Variants in ADAMTS2 observed in about 807,000 individuals in gnomAD.
ADAMTS2 encodes ADAM metallopeptidase with thrombospondin type 1 motif 2.
Under a neutral mutation model 123.0 loss-of-function variants are expected in ADAMTS2, and 50 were observed. The observed-to-expected ratio is 0.41, with a 90% CI of 0.32 to 0.51. The LOEUF is 0.51. Among genes scored for constraint, ADAMTS2 ranks in the 20% least tolerant of loss-of-function variants. ADAMTS2 has a pLI of 0.35. For synonymous variants in ADAMTS2, 678 were observed against 695.4 expected (o/e 0.98, Z 0.39); for missense variants, 1,494 against 1,705.2 (o/e 0.88, Z 2.18).
intron 3 of ADAMTS2, among the ~76,000 whole-genome samples, chr5:179,251,919 T>C (rs1765935209): frequency 6.6e-6 from 1 of 151,996 alleles, no homozygotes; most frequent in African/African-American, 2.4e-5. Flanking sequence ...ACTGAGGATC[T>C]GGCAACACTG....
chr5:179,222,028 C>T (rs1192717001), intron 3 of ADAMTS2, among the ~76,000 whole-genome samples: 1 of 152,174 alleles, frequency 6.6e-6, no homozygotes, highest in East Asian at 1.9e-4. Flanking sequence ...CCGAGAGGCC[C>T]CCAGTGCAGC....
At chr5:179,194,919 C>G (rs1764388240) in intron 4 of ADAMTS2, among the ~76,000 whole-genome samples, 1 of 152,184 alleles carries the variant, frequency 6.6e-6, no homozygotes, top group South Asian at 2.1e-4. Context: ...ACAAATCAAC[C>G]TCGCTCCCGC....
chr5:179,288,455 G>A (rs894436454), intron 2 of ADAMTS2, among the ~76,000 whole-genome samples: 1 of 152,246 alleles, frequency 6.6e-6, no homozygotes, highest in Non-Finnish European at 1.5e-5. Flanking sequence ...TGAGGGCCAG[G>A]TTGTCTGGGC....
In ADAMTS2 at chr5:179,273,648, C is replaced by T. The variant is rs186721652; in HGVS notation, c.535-584G>A. 5.9e-5 allele frequency among the ~76,000 whole-genome samples: 9 copies of T among 152,198 alleles called. No homozygotes were observed. The East Asian group carries it at 1.5e-3, about 26-fold the overall frequency. ...TTGGAAACGCAGGCCCTGACCACAG[C>T]GGGTCTTGGATGGAACACATGCCCC... is the stretch of plus-strand genomic sequence containing the variant. On this transcript the variant is annotated intron_variant, in intron 2 of 21. Transcript: ENST00000251582.
rs1010655307 is a variant in ADAMTS2 at position 179,189,608 on chromosome 5, C to T, written c.892-8453G>A. Among the ~76,000 whole-genome samples, 12 of 148,414 alleles carry T rather than the reference C, an allele frequency of 8.1e-5. No homozygotes were observed. The highest frequency in any genetic ancestry group is 2.5e-4 in the African/African-American group (10 of 40,220). ...TCCTGACTTCATGATCTGCCCGCCTCGGCCTCCCAAAGTGCTGGGATTACA... is the reference window on the plus strand; with the variant it reads ...TCCTGACTTCATGATCTGCCCGCCTTGGCCTCCCAAAGTGCTGGGATTACA... On this transcript the variant is annotated intron_variant, in intron 4 of 21. Transcript: ENST00000251582. The surrounding 1 kb of genome is among the most constrained non-coding windows in gnomAD (Gnocchi z 4.2).
At position 179,113,828 on chromosome 5, in the gene ADAMTS2, G is replaced by A. The variant is rs755084365; in HGVS notation, c.*39C>T. On this transcript the variant is annotated 3_prime_UTR_variant, in exon 22 of 22. Transcript: ENST00000251582. ...GCTATCCCATGGAATATCTCTATAA[G>A]CAAGAAAAAAATGCTAGGGATGCTA... 24 of 1,593,496 alleles carry A rather than the reference G, an allele frequency of 1.5e-5. No individual in the cohort carries two copies. Among genetic ancestry groups the A allele is most frequent in the Non-Finnish European group, 1.9e-5 (22 of 1,161,400 alleles).
Position 179,153,538 on chromosome 5 carries a change from C to T in ADAMTS2, c.1468G>A (p.Glu490Lys), listed in dbSNP as rs747875178. The T allele has an allele frequency of 6.2e-6, 10 of 1,610,798 alleles. No individual in the cohort carries two copies. The highest frequency in any genetic ancestry group is 3.3e-4 in the Middle Eastern group (2 of 6,080). The change falls in exon 9 of 22, where the codon GAG becomes AAG. Residue 490 changes from glutamate to lysine, a missense_variant. Glu to Lys is a moderately conservative substitution (Grantham distance 56). This residue lies in a region of ADAMTS2 where 953 missense variants were observed against 1,124.7 expected (regional missense o/e 0.85). Coordinates refer to ENST00000251582, the MANE Select transcript of ADAMTS2 (RefSeq NM_014244.5). The part of the protein sequence containing the change: ...QLPGLHYSMN[E>K]QCRFDFGLGY... Reference sequence around the variant, plus strand: ...AGGCCGAAGTCAAAGCGGCATTGCTCGTTCATGGAGTAGTGCAGTCCCGGG... The same window carrying T: ...AGGCCGAAGTCAAAGCGGCATTGCTTGTTCATGGAGTAGTGCAGTCCCGGG...
chr5:179,282,864 A>G (rs1414526257), intron 2 of ADAMTS2, among the ~76,000 whole-genome samples: 1 of 152,110 alleles, frequency 6.6e-6, no homozygotes, highest in Non-Finnish European at 1.5e-5. Context: ...TCACGAGGTC[A>G]GGAGATTGAG....
At chr5:179,133,600 C>A (rs1047104586) in intron 13 of ADAMTS2, among the ~76,000 whole-genome samples, 2 of 151,812 alleles carry the variant, frequency 1.3e-5, no homozygotes, top group Non-Finnish European at 2.9e-5. Flanking sequence ...AGACAGAATC[C>A]AGTTGGATAT....
chr5:179,291,494 C>T (rs1347226929), intron 2 of ADAMTS2, among the ~76,000 whole-genome samples: 1 of 152,184 alleles, frequency 6.6e-6, no homozygotes, highest in Non-Finnish European at 1.5e-5. Context: ...CCAAGCCGTG[C>T]TGGACATCAT....
In ADAMTS2 at chr5:179,135,959, G is replaced by A. The variant is rs747000672; in HGVS notation, c.2035C>T (p.Arg679Cys). The change falls in exon 13 of 22, where the codon CGC becomes TGC. Residue 679 changes from arginine (R) to cysteine (C), a missense_variant. This residue lies in a region of ADAMTS2 where 953 missense variants were observed against 1,124.7 expected (regional missense o/e 0.85). Coordinates refer to ENST00000251582, the MANE Select transcript of ADAMTS2 (RefSeq NM_014244.5). ...SMKRMVHDGT[R>C]CSYKDAFSLC... ...CTGAAGGCGTCCTTGTAGGAGCAGC[G>A]CGTCCCGTCATGCACCATGCGCTTC... The A allele has an allele frequency of 5.6e-6, 9 of 1,613,320 alleles. No individual in the cohort carries two copies. The highest frequency in any genetic ancestry group is 6.8e-6 in the Non-Finnish European group (8 of 1,180,030).
chr5:179,148,562 C>T (rs1426168773), intron 10 of ADAMTS2, among the ~76,000 whole-genome samples: 2 of 152,148 alleles, frequency 1.3e-5, no homozygotes, highest in South Asian at 2.1e-4. Context: ...CCTGAAAGTG[C>T]GCCCTGGAAT....
chr5:179,281,853 G>A (rs1454782772), intron 2 of ADAMTS2, among the ~76,000 whole-genome samples: 1 of 152,216 alleles, frequency 6.6e-6, no homozygotes, highest in Non-Finnish European at 1.5e-5. Context: ...TCCAGCAGGT[G>A]TGAAGTGGTG....
At chr5:179,271,515 C>T (rs61199103) in intron 3 of ADAMTS2, among the ~76,000 whole-genome samples, 5,635 of 152,336 alleles carry the variant, frequency 0.037, 331 homozygotes, top group African/African-American at 0.13. Flanking sequence ...CTGGAGCACT[C>T]GCTCAGCCCC....
chr5:179,333,407 G>A (rs943628392), intron 2 of ADAMTS2, among the ~76,000 whole-genome samples: 3 of 152,160 alleles, frequency 2.0e-5, no homozygotes, highest in Non-Finnish European at 2.9e-5. Context: ...AGACTCTCCT[G>A]TGTAGCTTTT....
At position 179,202,253 on chromosome 5, in the gene ADAMTS2, C is replaced by T. The variant is rs998686106; in HGVS notation, c.891+5260G>A. On this transcript the variant is annotated intron_variant, in intron 4 of 21. Transcript: ENST00000251582. This position sits in a 1 kb window ranked among gnomAD's most constrained non-coding sequence, Gnocchi z 4.0. ...AGGCTGCCTCCATTCTTCCAGCCGG[C>T]CCCATTCCTGCCTCAGGGCCTTGGC... Among the ~76,000 whole-genome samples, 2 of 152,086 alleles carry T rather than the reference C, an allele frequency of 1.3e-5. No individual in the cohort carries two copies. Among genetic ancestry groups the T allele is most frequent in the Admixed American group, 1.3e-4 (2 of 15,288 alleles).
intron 3 of ADAMTS2, among the ~76,000 whole-genome samples, chr5:179,245,765 C>CAAAAAA (rs1171837041): frequency 1.5e-3 from 26 of 17,188 alleles, no homozygotes; most frequent in East Asian, 2.5e-3. Context: ...GACTCCGTCT[C>CAAAAAA]AAAAAAAAAA....
intron 4 of ADAMTS2, among the ~76,000 whole-genome samples, chr5:179,200,310 G>T (rs371861124): frequency 7.0e-6 from 1 of 143,628 alleles, no homozygotes; most frequent in Non-Finnish European, 1.5e-5. Context: ...GTGCAGTGGC[G>T]TCACCTCAGC....
intron 2 of ADAMTS2, among the ~76,000 whole-genome samples, chr5:179,291,703 C>G (rs1756194575): frequency 6.6e-6 from 1 of 152,056 alleles, no homozygotes; most frequent in Admixed American, 6.5e-5. Context: ...ATGTGTGGTT[C>G]TTCCCTTCGC....
Sources: allele counts gnomAD v4.1 joint callset (sites outside exome capture counted in the v4.1 genomes callset), GRCh38; gene constraint gnomAD v4.1.1; regional missense constraint gnomAD v4.1.1; non-coding constraint Gnocchi (gnomAD v3.1); transcripts MANE v1.5; gene names NCBI Gene and HGNC (gene_info 2026-07-23, HGNC 2026-07-21).